PRR5L: variants seen among roughly 807,000 people sequenced by gnomAD.
PRR5L encodes the protein proline rich 5 like, also known as proline-rich protein 5-like.
A neutral mutation model predicts 36.4 loss-of-function variants in PRR5L; 21 were observed. That is an observed-to-expected ratio of 0.58 (90% CI 0.41 to 0.83). PRR5L has a LOEUF of 0.83. Among genes scored for constraint, PRR5L ranks in the 40% least tolerant of loss-of-function variants. PRR5L has a pLI of 0.00. For missense variants in PRR5L, 381 were observed against 473.3 expected (o/e 0.80, Z 1.81); for synonymous variants, 188 against 197.0 (o/e 0.95, Z 0.38).
chr11:36,430,455 G>A (rs1213417319), intron 4 of PRR5L, among the ~76,000 whole-genome samples: 3 of 152,014 alleles, frequency 2.0e-5, no homozygotes, highest in African/African-American at 7.3e-5. Flanking sequence ...TTCAAATTAG[G>A]TCATATTTTG....
At chr11:36,318,012 G>T (rs1856575157) in intron 1 of PRR5L, among the ~76,000 whole-genome samples, 1 of 152,280 alleles carries the variant, frequency 6.6e-6, no homozygotes, top group Admixed American at 6.5e-5. Flanking sequence ...CATATATGAT[G>T]GTTGTCCTGT....
intron 6 of PRR5L, among the ~76,000 whole-genome samples, chr11:36,439,312 A>G (rs2133608738): frequency 6.6e-6 from 1 of 152,172 alleles, no homozygotes; most frequent in African/African-American, 2.4e-5. Context: ...ACATAGCCCC[A>G]GTATAGTCAA....
intron 1 of PRR5L, among the ~76,000 whole-genome samples, chr11:36,339,025 C>T (rs116953346): frequency 0.01 from 1,542 of 152,324 alleles, 12 homozygotes; most frequent in Non-Finnish European, 0.016. Flanking sequence ...TCTCTTGCCA[C>T]CACCATGTAA....
intron 1 of PRR5L, among the ~76,000 whole-genome samples, chr11:36,347,852 T>C (rs1442250013): frequency 3.3e-5 from 5 of 151,980 alleles, no homozygotes; most frequent in Non-Finnish European, 7.4e-5. Flanking sequence ...AAAAAGTTCC[T>C]ATGGTGGTTC....
chr11:36,451,976 C>T (rs1210148501), intron 8 of PRR5L, among the ~76,000 whole-genome samples: 1 of 151,170 alleles, frequency 6.6e-6, no homozygotes, highest in Non-Finnish European at 1.5e-5. Flanking sequence ...CTCTCAGTGA[C>T]ACTGCAGTCT....
chr11:36,401,371 C>G, intron 2 of PRR5L, 86 bp downstream of exon 2: 4 of 1,342,392 alleles, frequency 3.0e-6, no homozygotes, highest in Non-Finnish European at 4.1e-6. Flanking sequence ...TGAGCTTCTG[C>G]TGATTCTGGG....
intron 3 of PRR5L, among the ~76,000 whole-genome samples, chr11:36,415,282 G>T (rs1858117055): frequency 6.6e-6 from 1 of 152,180 alleles, no homozygotes. Flanking sequence ...TGGTGATGTG[G>T]TGTTTGTGGG....
intron 7 of PRR5L, among the ~76,000 whole-genome samples, chr11:36,446,876 G>A (rs1336523413): frequency 6.6e-6 from 1 of 152,184 alleles, no homozygotes; most frequent in Non-Finnish European, 1.5e-5. Context: ...AGGCCATGAA[G>A]CCACCATCCT....
intron 6 of PRR5L, among the ~76,000 whole-genome samples, chr11:36,440,095 T>C (rs1858688953): frequency 6.6e-6 from 1 of 152,202 alleles, no homozygotes; most frequent in African/African-American, 2.4e-5. Flanking sequence ...CTTGTTTATG[T>C]GGCAGGTTGG....
chr11:36,435,345 A>G (rs1590587644), intron 5 of PRR5L, among the ~76,000 whole-genome samples: 1 of 152,288 alleles, frequency 6.6e-6, no homozygotes, highest in Middle Eastern at 3.4e-3. Context: ...TCACAGCATT[A>G]CAGGCCCTCA....
chr11:36,357,513 G>C (rs1857040132), intron 1 of PRR5L, among the ~76,000 whole-genome samples: 1 of 152,146 alleles, frequency 6.6e-6, no homozygotes, highest in Non-Finnish European at 1.5e-5. Flanking sequence ...CTCTTCTTAG[G>C]AGCCAATGCA....
At chr11:36,307,630 T>C (rs951802676) in intron 1 of PRR5L, among the ~76,000 whole-genome samples, 5 of 152,124 alleles carry the variant, frequency 3.3e-5, no homozygotes, top group African/African-American at 1.2e-4. Flanking sequence ...TACCAGTTTT[T>C]CCCCTTTCCT....
intron 1 of PRR5L, among the ~76,000 whole-genome samples, chr11:36,393,639 C>T (rs1857602634): frequency 6.6e-6 from 1 of 152,084 alleles, no homozygotes; most frequent in Non-Finnish European, 1.5e-5. Context: ...TCTTTTTGCT[C>T]TGGAGACTTT....
chr11:36,457,605 C>CAA (rs11297597), intron 8 of PRR5L, among the ~76,000 whole-genome samples: 1 of 134,436 alleles, frequency 7.4e-6, no homozygotes, highest in Non-Finnish European at 1.6e-5. Flanking sequence ...GACTCCGTCT[C>CAA]AAAAAAAAAA....
chr11:36,389,885 T>C (rs564430623), intron 1 of PRR5L, among the ~76,000 whole-genome samples: 1 of 152,348 alleles, frequency 6.6e-6, no homozygotes, highest in East Asian at 1.9e-4. Context: ...AATGCCCATG[T>C]AATTTTAAAT....
chr11:36,378,508 A>G (rs553639989), intron 1 of PRR5L, among the ~76,000 whole-genome samples: 66 of 152,360 alleles, frequency 4.3e-4, no homozygotes, highest in African/African-American at 1.6e-3. Context: ...ACTAATATGT[A>G]AAAGAAGAAA....
Position 36,452,464 on chromosome 11 carries a change from AG to A in PRR5L, c.712+1130del, listed in dbSNP as rs1170585910. 2.0e-5 allele frequency among the ~76,000 whole-genome samples: 3 copies of A among 152,248 alleles called. No individual in the cohort carries two copies. The South Asian group carries it at 6.2e-4, about 32-fold the overall frequency. ...TTTCTGGAGACACCAGCTTAACCACAGCCACCACAGATCGGAGGGTGCTGGC... is the reference window on the plus strand; with the variant it reads ...TTTCTGGAGACACCAGCTTAACCACACCACCACAGATCGGAGGGTGCTGGC... On this transcript the variant is annotated intron_variant, in intron 8 of 8. Transcript: ENST00000530639.
intron 8 of PRR5L, among the ~76,000 whole-genome samples, chr11:36,461,042 C>T (rs1459007838): frequency 6.6e-6 from 1 of 152,230 alleles, no homozygotes; most frequent in African/African-American, 2.4e-5. Context: ...CTCCACTTGG[C>T]TCATCCTTCC....
intron 3 of PRR5L, among the ~76,000 whole-genome samples, chr11:36,409,383 CTTG>C (rs1199867186): frequency 6.6e-6 from 1 of 152,144 alleles, no homozygotes. Flanking sequence ...TGCTTCTGTT[CTTG>C]TTGGGAGGGG....
Sources: allele counts gnomAD v4.1 joint callset (sites outside exome capture counted in the v4.1 genomes callset), GRCh38; gene constraint gnomAD v4.1.1; transcripts MANE v1.5; gene names NCBI Gene and HGNC (gene_info 2026-07-23, HGNC 2026-07-21).